CSNK1G1: variants seen among roughly 807,000 people sequenced by gnomAD.
The protein encoded by CSNK1G1 is casein kinase 1 gamma 1, also known as casein kinase I isoform gamma-1.
CSNK1G1 carries 22 observed loss-of-function variants against 59.6 expected under a neutral mutation model. The observed-to-expected ratio is 0.37, with a 90% CI of 0.26 to 0.53. The LOEUF (loss-of-function observed/expected upper bound fraction) is 0.53. CSNK1G1 is among the 20% of genes least tolerant of loss of function. The probability of loss-of-function intolerance (pLI) is 0.89; values close to 1 mark genes in which losing one functional copy is unlikely to be tolerated. For missense variants in CSNK1G1, 384 were observed against 519.5 expected, an observed-to-expected ratio of 0.74 and a Z score of 2.54; for synonymous variants, 179 against 177.1, an observed-to-expected ratio of 1.01 and a Z score of -0.08.
intron 4 of CSNK1G1, among the ~76,000 whole-genome samples, chr15:64,226,863 G>C (rs1024862805): frequency 6.6e-6 from 1 of 152,122 alleles, no homozygotes; most frequent in Non-Finnish European, 1.5e-5. Context: ...TAGAAGGAAT[G>C]AAAAGGAAAA....
At chr15:64,322,166 A>G (rs1896598608) in intron 1 of CSNK1G1, among the ~76,000 whole-genome samples, 1 of 152,140 alleles carries the variant, frequency 6.6e-6, no homozygotes, top group Non-Finnish European at 1.5e-5. Flanking sequence ...CATGGAGCAT[A>G]AAGTCTTATT....
intron 1 of CSNK1G1, among the ~76,000 whole-genome samples, chr15:64,306,978 T>A (rs1023705801): frequency 2.9e-5 from 2 of 69,960 alleles, no homozygotes; most frequent in Admixed American, 1.9e-4. Context: ...ATATTGTGGG[T>A]GGGGAGGGGG....
chr15:64,263,037 C>G (rs917754326), intron 2 of CSNK1G1, among the ~76,000 whole-genome samples: 2 of 138,094 alleles, frequency 1.4e-5, no homozygotes, highest in Non-Finnish European at 3.0e-5. Flanking sequence ...GGAGATCACA[C>G]GACTGCACTC....
At chr15:64,228,326 A>G (rs2082489616) in intron 4 of CSNK1G1, among the ~76,000 whole-genome samples, 1 of 152,182 alleles carries the variant, frequency 6.6e-6, no homozygotes, top group African/African-American at 2.4e-5. Flanking sequence ...ATAACAGCAA[A>G]CCAAAAGCAG....
At chr15:64,249,104 T>C (rs981254337) in intron 4 of CSNK1G1, among the ~76,000 whole-genome samples, 1 of 152,012 alleles carries the variant, frequency 6.6e-6, no homozygotes, top group East Asian at 1.9e-4. Context: ...CCTGGTGACA[T>C]AGCAAGACTC....
At chr15:64,239,534 C>G (rs1231136003) in intron 4 of CSNK1G1, among the ~76,000 whole-genome samples, 1 of 152,092 alleles carries the variant, frequency 6.6e-6, no homozygotes, top group East Asian at 1.9e-4. Flanking sequence ...TACCACCACA[C>G]CTGGCTAATT....
chr15:64,201,729 TG>T, intron 10 of CSNK1G1, among the ~76,000 whole-genome samples: 3 of 151,322 alleles, frequency 2.0e-5, no homozygotes, highest in South Asian at 2.1e-4. Context: ...TGTGTGTGTG[TG>T]TGTGTGTGTG....
At chr15:64,274,470 C>T (rs1893495638) in intron 2 of CSNK1G1, among the ~76,000 whole-genome samples, 1 of 152,130 alleles carries the variant, frequency 6.6e-6, no homozygotes. Flanking sequence ...ATTTAATGGA[C>T]AGAAAAGTAC....
intron 1 of CSNK1G1, among the ~76,000 whole-genome samples, chr15:64,306,540 T>C (rs1895693418): frequency 6.6e-6 from 1 of 152,190 alleles, no homozygotes; most frequent in African/African-American, 2.4e-5. Flanking sequence ...CTGGTGAGAA[T>C]GCAAAATGGT....
intron 2 of CSNK1G1, among the ~76,000 whole-genome samples, chr15:64,278,377 C>CGTGCGT (rs776953172): frequency 3.6e-5 from 4 of 111,488 alleles, no homozygotes; most frequent in East Asian, 5.0e-4. Flanking sequence ...CATGTATGTG[C>CGTGCGT]GTGTGTGTGT....
chr15:64,191,202 C>T (rs182067128), intron 10 of CSNK1G1, among the ~76,000 whole-genome samples: 121 of 152,232 alleles, frequency 7.9e-4, no homozygotes, highest in Non-Finnish European at 1.5e-3. Context: ...GCTGGGACTA[C>T]GGACGCGCGC....
At chr15:64,297,461 C>T (rs1409222740) in intron 2 of CSNK1G1, among the ~76,000 whole-genome samples, 2 of 152,036 alleles carry the variant, frequency 1.3e-5, no homozygotes, top group African/African-American at 2.4e-5. Flanking sequence ...GTAATCCCAA[C>T]ACTTTGGAAG....
intron 2 of CSNK1G1, among the ~76,000 whole-genome samples, chr15:64,288,571 T>C (rs1287721097): frequency 1.3e-5 from 2 of 151,206 alleles, no homozygotes; most frequent in Non-Finnish European, 3.0e-5. Flanking sequence ...TATGTGTGTA[T>C]GTGTGTGTGT....
At position 64,271,373 on chromosome 15, in the gene CSNK1G1, C is replaced by T. The variant is rs192449924; in HGVS notation, c.182-12132G>A. On this transcript the variant is annotated intron_variant, in intron 2 of 11. Coordinates refer to ENST00000303052, the MANE Select transcript of CSNK1G1 (RefSeq NM_022048.5). ...CCCCATCTTGGCTCACTGCAACCTC[C>T]GCCTCCCCAAGACGCAAGCAATCCT... is the stretch of plus-strand genomic sequence containing the variant. 1.9e-4 allele frequency among the ~76,000 whole-genome samples: 29 copies of T among 152,122 alleles called. No individual in the cohort carries two copies. In the East Asian group the frequency reaches 3.3e-3, roughly 17 times the overall value.
At chr15:64,298,433 C>G (rs550115333) in intron 2 of CSNK1G1, among the ~76,000 whole-genome samples, 1 of 152,304 alleles carries the variant, frequency 6.6e-6, no homozygotes, top group African/African-American at 2.4e-5. Flanking sequence ...ATTCACAGAA[C>G]TATTCGTTAA....
In CSNK1G1 at chr15:64,168,684, G is replaced by C. The variant is rs868030527; in HGVS notation, c.*3247C>G. On this transcript the variant is annotated 3_prime_UTR_variant, in exon 12 of 12. Coordinates refer to ENST00000303052, the MANE Select transcript of CSNK1G1 (RefSeq NM_022048.5). ...AACTACAGAGCAAGTGGATGGGTGGGGACAGTCAGCGAGTGCATGCCCTAA... is the reference window on the plus strand; with the variant it reads ...AACTACAGAGCAAGTGGATGGGTGGCGACAGTCAGCGAGTGCATGCCCTAA... The C allele has an allele frequency of 3.3e-5, 5 of 152,328 alleles. No homozygotes were observed. The highest frequency in any genetic ancestry group is 3.4e-3 in the Middle Eastern group (1 of 294). The allele number at this position is 152,328 out of a possible 1,614,324, so 9.4% of individuals were successfully genotyped here. A position where few individuals can be genotyped will look rare whatever the true frequency, so the allele number is the denominator to read the frequency against.
intron 1 of CSNK1G1, chr15:64,315,876 C>T (rs1030791621): frequency 1.3e-5 from 2 of 152,210 alleles, no homozygotes; most frequent in African/African-American, 4.8e-5. Flanking sequence ...GAATGCTCTT[C>T]CTCACTTGAA....
chr15:64,287,481 T>C (rs746531077), intron 2 of CSNK1G1, among the ~76,000 whole-genome samples: 1 of 152,188 alleles, frequency 6.6e-6, no homozygotes, highest in Non-Finnish European at 1.5e-5. Context: ...TTAGGACTTT[T>C]GTTCAACTCT....
chr15:64,347,874 C>T (rs562435225), intron 1 of CSNK1G1, among the ~76,000 whole-genome samples: 1 of 151,952 alleles, frequency 6.6e-6, no homozygotes, highest in East Asian at 1.9e-4. Context: ...GGAGTGGTGG[C>T]ATGTGCCTGT....
Sources: gnomAD v4.1 joint callset for allele counts (sites outside exome capture counted in the v4.1 genomes callset) on GRCh38, gnomAD v4.1.1 for gene constraint, MANE v1.5 for transcripts, NCBI Gene and HGNC (gene_info 2026-07-23, HGNC 2026-07-21) for gene names.